PBRM1: variants seen among roughly 807,000 people sequenced by gnomAD.
PBRM1 encodes polybromo 1, also known as protein polybromo-1.
A neutral mutation model predicts 194.5 loss-of-function variants in PBRM1; 27 were observed. The observed-to-expected ratio is 0.14, with a 90% CI of 0.10 to 0.19. The LOEUF (loss-of-function observed/expected upper bound fraction) is 0.19, where lower values mean the gene tolerates loss of function less well. PBRM1 is among the 10% of genes least tolerant of loss of function. PBRM1 has a pLI of 1.00. For synonymous variants in PBRM1, 655 were observed against 693.2 expected (o/e 0.94, Z 0.87); for missense variants, 1,466 against 2,077.2 (o/e 0.71, Z 5.72).
At chr3:52,668,571 T>C (rs2096885246) in exon 3 of PBRM1, 1 of 1,606,936 alleles carries the variant, frequency 6.2e-7, no homozygotes, top group Admixed American at 1.7e-5. Context: ...ATCATACTCT[T>C]CCATTTTTAG....
At chr3:52,638,187 G>C (rs2095901673) in intron 10 of PBRM1, among the ~76,000 whole-genome samples, 2 of 152,220 alleles carry the variant, frequency 1.3e-5, no homozygotes, top group East Asian at 3.9e-4. Context: ...GCTAGACAGT[G>C]TGCTTATATT....
chr3:52,672,977 A>AT (rs199533363), intron 2 of PBRM1, among the ~76,000 whole-genome samples: 2 of 151,600 alleles, frequency 1.3e-5, no homozygotes, highest in African/African-American at 2.4e-5. Context: ...AGAGCTATTA[A>AT]TTTTTTTTAT....
At chr3:52,639,484 C>T (rs1250999542) in intron 10 of PBRM1, among the ~76,000 whole-genome samples, 7 of 151,344 alleles carry the variant, frequency 4.6e-5, no homozygotes, top group Non-Finnish European at 8.8e-5. Context: ...GGTGGGATCA[C>T]GACTCATTGT....
At chr3:52,646,072 T>TA (rs2096281585) in intron 7 of PBRM1, among the ~76,000 whole-genome samples, 1 of 152,180 alleles carries the variant, frequency 6.6e-6, no homozygotes, top group Non-Finnish European at 1.5e-5. Context: ...AAAAAATAAT[T>TA]AGACCCAAAA....
At chr3:52,591,888 G>A (rs1171000469) in intron 17 of PBRM1, among the ~76,000 whole-genome samples, 7 of 133,646 alleles carry the variant, frequency 5.2e-5, no homozygotes, top group African/African-American at 1.7e-4. Flanking sequence ...ATGCAGTGGC[G>A]CCATCTCGGC....
intron 22 of PBRM1, among the ~76,000 whole-genome samples, chr3:52,570,709 G>A (rs906996938): frequency 3.9e-5 from 6 of 152,096 alleles, no homozygotes; most frequent in African/African-American, 4.8e-5. Flanking sequence ...GAATTGGAAC[G>A]AACCAATAGA....
chr3:52,583,373 C>T (rs760995628), intron 20 of PBRM1, among the ~76,000 whole-genome samples: 17 of 151,318 alleles, frequency 1.1e-4, no homozygotes, highest in East Asian at 7.8e-4. Flanking sequence ...ATCACGCTAC[C>T]GCACTTCAGC....
chr3:52,573,137 C>A (rs575242318), intron 22 of PBRM1, among the ~76,000 whole-genome samples: 12 of 152,264 alleles, frequency 7.9e-5, no homozygotes, highest in African/African-American at 2.9e-4. Context: ...ATTAGGAAAA[C>A]CTAGGTTTTA....
chr3:52,603,530 C>T (rs763328959), exon 17 of PBRM1: 7 of 1,591,762 alleles, frequency 4.4e-6, no homozygotes, highest in Admixed American at 1.7e-5. Flanking sequence ...CCTCTTTTTT[C>T]TTCTTCTCGT....
chr3:52,569,853 G>C (rs1442344213), intron 22 of PBRM1, among the ~76,000 whole-genome samples: 1 of 152,092 alleles, frequency 6.6e-6, no homozygotes, highest in East Asian at 1.9e-4. Flanking sequence ...TGATGCTCTT[G>C]AATTTTCACC....
intron 4 of PBRM1, among the ~76,000 whole-genome samples, chr3:52,659,791 A>C (rs2096680333): frequency 6.6e-6 from 1 of 152,044 alleles, no homozygotes; most frequent in Non-Finnish European, 1.5e-5. Flanking sequence ...AGAATCATTG[A>C]GTTATAAAGA....
At chr3:52,589,113 T>C in exon 18 of PBRM1, 1 of 1,613,712 alleles carries the variant, frequency 6.2e-7, no homozygotes, top group African/African-American at 1.3e-5. Flanking sequence ...CGATATGTGG[T>C]TGTAGGTTGG....
Position 52,579,264 on chromosome 3 carries a change from C to G in PBRM1, c.3388-65G>C, listed in dbSNP as rs569404123. 5.7e-6 allele frequency: 8 copies of G among 1,414,636 alleles called. No individual in the cohort carries two copies. The East Asian group carries it at 9.1e-5, about 16-fold the overall frequency. 87.6% of individuals were successfully genotyped at this position (1,414,636 alleles called of 1,614,324 possible). A position where few individuals can be genotyped will look rare whatever the true frequency, so the allele number is the denominator to read the frequency against. On this transcript the variant is annotated intron_variant, in intron 20 of 29. Transcript: ENST00000296302. ...ATCAAGGAATAGAGAAGGTAAGAAA[C>G]GAAAGCAGACTTTTCTTTCACATTA...
chr3:52,618,591 GTTTT>G (rs67103558), intron 13 of PBRM1, among the ~76,000 whole-genome samples: 3 of 123,508 alleles, frequency 2.4e-5, no homozygotes, highest in Non-Finnish European at 1.7e-5. Context: ...TTATGACTTA[GTTTT>G]TTTTTTTTTT....
intron 16 of PBRM1, among the ~76,000 whole-genome samples, chr3:52,607,937 T>C (rs541944808): frequency 6.6e-6 from 1 of 152,326 alleles, no homozygotes; most frequent in South Asian, 2.1e-4. Flanking sequence ...ATCATATTCA[T>C]TTCCTAACTC....
At position 52,626,735 on chromosome 3, in the gene PBRM1, G is replaced by GA. The variant is rs1022566905; in HGVS notation, c.1541+537dup. On this transcript the variant is annotated intron_variant, in intron 13 of 29. Coordinates refer to ENST00000296302, the Ensembl canonical transcript of PBRM1. Reference sequence around the variant, plus strand: ...GGAAGTTGAGAGAAAGGTTATATAGGAAAAAAAACCCCAAAAATCTAGCTC... The same window carrying GA: ...GGAAGTTGAGAGAAAGGTTATATAGGAAAAAAAAACCCCAAAAATCTAGCTC... Among the ~76,000 whole-genome samples the GA allele has an allele frequency of 4.6e-5, 7 of 151,436 alleles. No homozygotes were observed. In the South Asian group the frequency reaches 8.4e-4, roughly 18 times the overall value.
At chr3:52,605,145 C>T (rs1428964113) in intron 16 of PBRM1, among the ~76,000 whole-genome samples, 1 of 152,034 alleles carries the variant, frequency 6.6e-6, no homozygotes, top group East Asian at 1.9e-4. Context: ...GCCCTGTCAC[C>T]CAGACTGGAG....
exon 17 of PBRM1, chr3:52,603,541 T>C: frequency 6.3e-7 from 1 of 1,596,434 alleles, no homozygotes; most frequent in Non-Finnish European, 8.6e-7. Context: ...TTCTTCTCGT[T>C]TTAGTTTATC....
chr3:52,661,176 C>T (rs1042478143), intron 4 of PBRM1, among the ~76,000 whole-genome samples: 3 of 152,120 alleles, frequency 2.0e-5, no homozygotes, highest in Non-Finnish European at 4.4e-5. Context: ...CAGGCATGTG[C>T]CACCTGCCTA....
Sources: allele counts gnomAD v4.1 joint callset (sites outside exome capture counted in the v4.1 genomes callset), GRCh38; gene constraint gnomAD v4.1.1; transcripts MANE v1.5; gene names NCBI Gene and HGNC (gene_info 2026-07-23, HGNC 2026-07-21).